Variants in DNAH12 observed in about 807,000 individuals in gnomAD.
DNAH12 encodes the protein axonemal beta dynein heavy chain 12.
Under a neutral mutation model 371.5 loss-of-function variants are expected in DNAH12, and 285 were observed. That is an observed-to-expected ratio of 0.77 (90% CI 0.70 to 0.85). The LOEUF is 0.85. Among genes scored for constraint, DNAH12 ranks in the 40% least tolerant of loss-of-function variants. DNAH12 has a pLI of 0.00. For missense variants in DNAH12, 3,611 were observed against 3,689.4 expected, an observed-to-expected ratio of 0.98 and a Z score of 0.55; for synonymous variants, 1,200 against 1,213.0, an observed-to-expected ratio of 0.99 and a Z score of 0.22.
At chr3:57,391,291 G>T (rs1460373110) in intron 45 of DNAH12, among the ~76,000 whole-genome samples, 2 of 152,112 alleles carry the variant, frequency 1.3e-5, no homozygotes, top group African/African-American at 2.4e-5. Flanking sequence ...GAACAAAAAT[G>T]CTGACCCTCC....
chr3:57,423,434 T>C (rs1381646471), intron 35 of DNAH12, among the ~76,000 whole-genome samples: 1 of 152,136 alleles, frequency 6.6e-6, no homozygotes, highest in African/African-American at 2.4e-5. Context: ...GTCTGTTCAA[T>C]ATCTTCTAAA....
Position 57,405,064 on chromosome 3 carries a change from T to G in DNAH12, c.6660A>C (p.Glu2220Asp). The change falls in exon 42 of 74, where the codon GAA becomes GAC. Residue 2220 changes from glutamate to aspartate, a missense_variant. Coordinates refer to ENST00000495027, the MANE Select transcript of DNAH12 (RefSeq NM_001366028.2). ...DLEGDDRVYI[E>D]IPNIHHFSDV... ...CACTAAAATGATGAATATTTGGAAT[T>G]TCAATATAAACTCTATCATCTCCTT... The G allele has an allele frequency of 6.5e-7, 1 of 1,546,770 alleles. No homozygotes were observed. The highest frequency in any genetic ancestry group is 8.7e-7 in the Non-Finnish European group (1 of 1,145,512).
intron 60 of DNAH12, among the ~76,000 whole-genome samples, chr3:57,335,345 AGAG>A (rs1043939230): frequency 1.4e-4 from 21 of 152,366 alleles, no homozygotes; most frequent in African/African-American, 5.0e-4. Flanking sequence ...GTTTGTGAGC[AGAG>A]GAGGAAGATG....
intron 22 of DNAH12, among the ~76,000 whole-genome samples, chr3:57,455,779 C>G (rs946779230): frequency 1.3e-5 from 2 of 151,866 alleles, no homozygotes; most frequent in African/African-American, 4.8e-5. Context: ...ATAATTGAAC[C>G]ATCTATAGTT....
intron 2 of DNAH12, among the ~76,000 whole-genome samples, chr3:57,541,915 A>G (rs894161159): frequency 2.0e-5 from 3 of 152,188 alleles, no homozygotes; most frequent in African/African-American, 7.2e-5. Flanking sequence ...CCGACCAAGA[A>G]AGGAAAGAGA....
Position 57,323,066 on chromosome 3 carries a change from TA to T in DNAH12, c.10323del (p.Phe3441LeufsTer14). On this transcript the variant is annotated frameshift_variant, in exon 64 of 74. Transcript: ENST00000495027. LOFTEE classifies it high-confidence loss of function. ...AAGGATGAGTTACAGGTTTCAGAGG[TA>T]AAATCTTCACATATTTTTTCCAACA... Reference protein sequence around the residue: ...MPMLEKICEDFTSETCNSSFR... With the variant: ...MPMLEKICEDXTSETCNSSFR... The T allele has an allele frequency of 1.9e-6, 3 of 1,552,398 alleles. No individual in the cohort carries two copies. The highest frequency in any genetic ancestry group is 2.6e-6 in the Non-Finnish European group (3 of 1,147,148).
intron 69 of DNAH12, among the ~76,000 whole-genome samples, chr3:57,306,751 A>G (rs1053077504): frequency 1.3e-5 from 2 of 152,118 alleles, no homozygotes; most frequent in African/African-American, 2.4e-5. Flanking sequence ...TAAAGCCTAT[A>G]AACTCCCCTT....
chr3:57,408,984 C>T (rs1241761520), intron 39 of DNAH12, among the ~76,000 whole-genome samples: 1 of 152,126 alleles, frequency 6.6e-6, no homozygotes, highest in African/African-American at 2.4e-5. Context: ...CCAGAAATGT[C>T]ACAGTTTGAA....
At chr3:57,314,380 A>G (rs1372537698) in intron 66 of DNAH12, 114 bp downstream of exon 66, 4 of 1,290,190 alleles carry the variant, frequency 3.1e-6, no homozygotes, top group Non-Finnish European at 3.2e-6. Context: ...AGTTATTACC[A>G]TCTACCCACC....
intron 62 of DNAH12, among the ~76,000 whole-genome samples, chr3:57,328,375 C>T (rs1269544343): frequency 1.4e-5 from 2 of 143,570 alleles, no homozygotes; most frequent in African/African-American, 5.3e-5. Context: ...ATCAAGTGGG[C>T]TTCATCCCTG....
chr3:57,411,552 A>AG lies in DNAH12; in HGVS notation c.6020+2193_6020+2194insC, dbSNP rs1298989393. The stretch of plus-strand genomic sequence containing the variant: ...AAAAAAAAAAAAAAAAAAAAAAAAA[A>AG]AAAGAAAGAAAGAAAAGTACAACAC... On this transcript the variant is annotated intron_variant, in intron 39 of 73. Coordinates refer to ENST00000495027, the MANE Select transcript of DNAH12 (RefSeq NM_001366028.2). Among the ~76,000 whole-genome samples, 39 of 68,422 alleles carry AG rather than the reference A, an allele frequency of 5.7e-4. No homozygotes were observed. In the Admixed American group the frequency reaches 5.9e-3, roughly 10 times the overall value. 44.9% of individuals were successfully genotyped at this position (68,422 alleles called of 152,430 possible).
intron 13 of DNAH12, 32 bp from the exon 14 acceptor site, chr3:57,472,703 T>C: frequency 6.5e-7 from 1 of 1,533,354 alleles, no homozygotes; most frequent in Non-Finnish European, 8.8e-7. Context: ...TAATATGTCA[T>C]ATAGAAAATC....
chr3:57,295,434 T>C (rs2061213464), intron 73 of DNAH12, 91 bp downstream of exon 73: 3 of 1,031,148 alleles, frequency 2.9e-6, no homozygotes, highest in Middle Eastern at 2.8e-4. Context: ...TCCTAAAAGG[T>C]TTGAGCAAAA....
chr3:57,307,902 G>A (rs1183532139), intron 69 of DNAH12, among the ~76,000 whole-genome samples: 1 of 152,158 alleles, frequency 6.6e-6, no homozygotes, highest in Admixed American at 6.5e-5. Flanking sequence ...CACCAGCAAA[G>A]GCAGGCTATG....
At chr3:57,478,530 C>T (rs994922900) in intron 13 of DNAH12, among the ~76,000 whole-genome samples, 7 of 152,204 alleles carry the variant, frequency 4.6e-5, no homozygotes, top group East Asian at 3.9e-4. Flanking sequence ...ACTTCCCCAA[C>T]CTAGCAAGGC....
chr3:57,456,439 G>A (rs1287374699), intron 22 of DNAH12, among the ~76,000 whole-genome samples: 1 of 152,146 alleles, frequency 6.6e-6, no homozygotes, highest in Non-Finnish European at 1.5e-5. Context: ...TGGTCCTAAA[G>A]GCAGAAATAT....
the DNAH12 span, among the ~76,000 whole-genome samples, chr3:57,553,349 A>G: frequency 6.6e-6 from 1 of 152,202 alleles, no homozygotes; most frequent in South Asian, 2.1e-4. Flanking sequence ...TGTGGCATCC[A>G]GGACAGCTAT....
chr3:57,370,729 A>G (rs1252544379), intron 55 of DNAH12, among the ~76,000 whole-genome samples: 1 of 152,204 alleles, frequency 6.6e-6, no homozygotes, highest in East Asian at 1.9e-4. Context: ...TATCTAATAC[A>G]TAGATACAGA....
intron 66 of DNAH12, among the ~76,000 whole-genome samples, 165 bp from the exon 67 acceptor site, chr3:57,311,115 G>A (rs958825767): frequency 6.6e-5 from 10 of 152,020 alleles, no homozygotes; most frequent in Non-Finnish European, 1.2e-4. Context: ...TCGCTCTGTC[G>A]CCCAGGCTGG....
Sources: allele counts gnomAD v4.1 joint callset (sites outside exome capture counted in the v4.1 genomes callset), GRCh38; gene constraint gnomAD v4.1.1; transcripts MANE v1.5; gene names NCBI Gene and HGNC (gene_info 2026-07-23, HGNC 2026-07-21).